ATAD2B: variants seen among roughly 807,000 people sequenced by gnomAD.
ATAD2B encodes ATPase family AAA domain containing 2B.
In ATAD2B, 40 loss-of-function variants were observed where a neutral mutation model predicts 167.6. That is an observed-to-expected ratio of 0.24 (90% CI 0.19 to 0.31). The LOEUF (loss-of-function observed/expected upper bound fraction) is 0.31, where lower values mean the gene tolerates loss of function less well. Ranked by LOEUF, ATAD2B falls within the 10% of genes least tolerant of loss-of-function variation. ATAD2B has a pLI of 1.00. For missense variants in ATAD2B, 1,242 were observed against 1,757.2 expected, an observed-to-expected ratio of 0.71 and a Z score of 5.24; for synonymous variants, 579 against 596.5, an observed-to-expected ratio of 0.97 and a Z score of 0.43.
chr2:23,905,690 TCAC>T (rs1701385700), intron 1 of ATAD2B, among the ~76,000 whole-genome samples: 1 of 152,202 alleles, frequency 6.6e-6, no homozygotes, highest in African/African-American at 2.4e-5. Flanking sequence ...ACCTACTGCC[TCAC>T]AGTAGATACA....
chr2:23,888,257 C>T (rs1460998246), intron 3 of ATAD2B, 93 bp downstream of exon 3: 21 of 879,760 alleles, frequency 2.4e-5, no homozygotes, highest in Non-Finnish European at 3.4e-5. Flanking sequence ...ATGCTCAGCA[C>T]ACTATTAAAT....
the ATAD2B span, among the ~76,000 whole-genome samples, chr2:23,722,802 G>A: frequency 2.6e-4 from 40 of 152,174 alleles, no homozygotes; most frequent in African/African-American, 8.9e-4. Context: ...ATTTAAAAAA[G>A]AAGAAAAAGT....
chr2:23,705,569 G>C, the ATAD2B span, among the ~76,000 whole-genome samples: 5 of 152,026 alleles, frequency 3.3e-5, no homozygotes, highest in African/African-American at 1.2e-4. Context: ...TCAGGTAATA[G>C]GTGCACCACA....
intron 1 of ATAD2B, among the ~76,000 whole-genome samples, chr2:23,919,682 A>C (rs1703612712): frequency 6.6e-6 from 1 of 151,768 alleles, no homozygotes; most frequent in African/African-American, 2.4e-5. Context: ...ATCTCTTCTA[A>C]AAATACAAAA....
chr2:23,793,521 C>T (rs1393791272), intron 19 of ATAD2B, among the ~76,000 whole-genome samples: 1 of 152,108 alleles, frequency 6.6e-6, no homozygotes. Flanking sequence ...CTCCAAGTAT[C>T]TTCAGAAAGG....
chr2:23,761,635 A>G (rs761094054), intron 24 of ATAD2B, among the ~76,000 whole-genome samples: 8 of 152,226 alleles, frequency 5.3e-5, no homozygotes, highest in Non-Finnish European at 8.8e-5. Flanking sequence ...TATTAGAAAG[A>G]CGCAGTGTTT....
chr2:23,834,877 A>G, intron 13 of ATAD2B, among the ~76,000 whole-genome samples: 1 of 152,252 alleles, frequency 6.6e-6, no homozygotes, highest in African/African-American at 2.4e-5. Context: ...ACACAGTGAG[A>G]CCCCATCTCC....
At position 23,823,375 on chromosome 2, in the gene ATAD2B, C is replaced by G. The variant is rs1014922597; in HGVS notation, c.2014G>C (p.Gly672Arg). The change falls in exon 16 of 28, where the codon GGG (glycine) becomes CGG (arginine). Residue 672 changes from glycine (G) to arginine (R), a missense_variant. By Grantham distance (125) the Gly-to-Arg change is moderately radical. Transcript: ENST00000238789. The part of the protein sequence containing the change: ...PASQRAVMSS[G>R]HALSPIIRPL... ...CTTATGATGGGGGATAGTGCATGCC[C>G]TGAAGACATCACAGCACGTTGGGAA... 3.1e-6 allele frequency: 5 copies of G among 1,613,906 alleles called. No homozygotes were observed. The highest frequency in any genetic ancestry group is 1.3e-5 in the African/African-American group (1 of 75,036).
chr2:23,780,339 A>G (rs1052420214), intron 22 of ATAD2B, among the ~76,000 whole-genome samples: 2 of 149,382 alleles, frequency 1.3e-5, no homozygotes, highest in Non-Finnish European at 3.0e-5. Flanking sequence ...TAAAGCAAAC[A>G]AACAGCAAAA....
the ATAD2B span, among the ~76,000 whole-genome samples, chr2:23,692,424 C>A: frequency 6.6e-6 from 1 of 152,228 alleles, no homozygotes; most frequent in African/African-American, 2.4e-5. Context: ...TTGATGCTAC[C>A]CCGCATGGGC....
At chr2:23,826,465 T>C (rs1401899371) in intron 15 of ATAD2B, among the ~76,000 whole-genome samples, 1 of 152,202 alleles carries the variant, frequency 6.6e-6, no homozygotes, top group Non-Finnish European at 1.5e-5. Flanking sequence ...TAAACATCCC[T>C]TTCATAACCA....
At chr2:23,824,109 C>T (rs1687885259) in intron 15 of ATAD2B, among the ~76,000 whole-genome samples, 1 of 151,956 alleles carries the variant, frequency 6.6e-6, no homozygotes, top group Admixed American at 6.6e-5. Context: ...CCACCACACT[C>T]GTATAATTTT....
chr2:23,813,350 T>C (rs1408708241), intron 17 of ATAD2B, among the ~76,000 whole-genome samples: 1 of 148,044 alleles, frequency 6.8e-6, no homozygotes, highest in African/African-American at 2.5e-5. Flanking sequence ...ATATGAATTA[T>C]AATATATAAG....
At chr2:23,701,979 ATT>A in the ATAD2B span, among the ~76,000 whole-genome samples, 76,279 of 144,504 alleles carry the variant, frequency 0.53, 20,644 homozygotes, top group East Asian at 0.78. Flanking sequence ...TGCCCAGCTA[ATT>A]TTTTTTTTTT....
intron 13 of ATAD2B, among the ~76,000 whole-genome samples, chr2:23,839,550 C>A (rs1690547579): frequency 6.6e-6 from 1 of 151,746 alleles, no homozygotes; most frequent in Admixed American, 6.6e-5. Flanking sequence ...TAACTGACTT[C>A]CCTCATATTA....
intron 2 of ATAD2B, among the ~76,000 whole-genome samples, chr2:23,894,948 T>G (rs1699993297): frequency 6.6e-6 from 1 of 152,160 alleles, no homozygotes; most frequent in Non-Finnish European, 1.5e-5. Context: ...GTACGCAGCC[T>G]GTCAAAGTCT....
intron 1 of ATAD2B, chr2:23,900,809 AC>A (rs1368515294): frequency 6.6e-6 from 1 of 152,164 alleles, no homozygotes; most frequent in Admixed American, 6.6e-5. Flanking sequence ...AGACTTACAA[AC>A]TGACCAAGAA....
chr2:23,818,116 C>CT (rs1558590867), intron 17 of ATAD2B, among the ~76,000 whole-genome samples: 3 of 91,928 alleles, frequency 3.3e-5, no homozygotes, highest in Admixed American at 2.3e-4. Flanking sequence ...CACACACACA[C>CT]ACACATTACA....
chr2:23,679,822 A>T, the ATAD2B span, among the ~76,000 whole-genome samples: 116 of 152,126 alleles, frequency 7.6e-4, no homozygotes, highest in African/African-American at 2.7e-3. Context: ...AAAGAGGCCC[A>T]GGACAAAATA....
Sources: gnomAD v4.1 joint callset for allele counts (sites outside exome capture counted in the v4.1 genomes callset) on GRCh38, gnomAD v4.1.1 for gene constraint, MANE v1.5 for transcripts, NCBI Gene and HGNC (gene_info 2026-07-23, HGNC 2026-07-21) for gene names.